The following ZDHHC14 variants were observed in gnomAD, a reference collection of about 807,000 sequenced individuals.
ZDHHC14 encodes zDHHC palmitoyltransferase 14, also known as palmitoyltransferase ZDHHC14.
ZDHHC14 carries 16 observed loss-of-function variants against 47.7 expected under a neutral mutation model. The observed-to-expected ratio is 0.34, with a 90% CI of 0.23 to 0.51. The LOEUF (loss-of-function observed/expected upper bound fraction) is 0.51. Ranked by LOEUF, ZDHHC14 falls within the 20% of genes least tolerant of loss-of-function variation. The pLI is 0.97. For missense variants in ZDHHC14, 515 were observed against 662.5 expected (o/e 0.78, Z 2.44); for synonymous variants, 293 against 278.9 (o/e 1.05, Z -0.50).
chr6:157,534,957 C>A (rs1432345266), intron 1 of ZDHHC14, among the ~76,000 whole-genome samples: 1 of 152,164 alleles, frequency 6.6e-6, no homozygotes, highest in African/African-American at 2.4e-5. Flanking sequence ...CTAGTAAGCT[C>A]TTGTACATTC....
intron 3 of ZDHHC14, among the ~76,000 whole-genome samples, chr6:157,601,879 C>T (rs1022893078): frequency 1.5e-4 from 23 of 152,220 alleles, no homozygotes; most frequent in African/African-American, 5.5e-4. Context: ...TAGGCAGCGT[C>T]TTCATTCTGG....
chr6:157,621,949 C>T (rs763081748), intron 3 of ZDHHC14, among the ~76,000 whole-genome samples: 5 of 152,166 alleles, frequency 3.3e-5, no homozygotes, highest in Admixed American at 6.5e-5. Context: ...AGTGTCCTAA[C>T]CTTTCTGACT....
At chr6:157,426,479 C>A (rs1778222344) in intron 1 of ZDHHC14, among the ~76,000 whole-genome samples, 1 of 152,126 alleles carries the variant, frequency 6.6e-6, no homozygotes. Flanking sequence ...GCAGTTTGGC[C>A]CCCACTTCAT....
At chr6:157,622,861 T>C (rs577223542) in intron 3 of ZDHHC14, among the ~76,000 whole-genome samples, 28 of 131,158 alleles carry the variant, frequency 2.1e-4, no homozygotes, top group African/African-American at 6.9e-4. Flanking sequence ...ATTGAAGACA[T>C]TTCTGCCTTT....
chr6:157,626,421 T>C (rs4709453), intron 3 of ZDHHC14, among the ~76,000 whole-genome samples: 79,670 of 152,120 alleles, frequency 0.52, 23,662 homozygotes, highest in East Asian at 0.86. Flanking sequence ...CTGTGCACGT[T>C]GACACATAGA....
At chr6:157,444,402 G>A (rs971777037) in intron 1 of ZDHHC14, among the ~76,000 whole-genome samples, 1 of 152,230 alleles carries the variant, frequency 6.6e-6, no homozygotes, top group East Asian at 1.9e-4. Context: ...ACTAGGCTGG[G>A]CATGGTGGCT....
At chr6:157,647,810 G>A (rs898807810) in intron 7 of ZDHHC14, among the ~76,000 whole-genome samples, 6 of 152,226 alleles carry the variant, frequency 3.9e-5, no homozygotes, top group African/African-American at 9.6e-5. Context: ...CACATGGGCC[G>A]CAGTCGTTGA....
intron 1 of ZDHHC14, among the ~76,000 whole-genome samples, chr6:157,460,343 G>A (rs1055195912): frequency 7.2e-6 from 1 of 138,058 alleles, no homozygotes; most frequent in Non-Finnish European, 1.5e-5. Context: ...AGACTGCAGT[G>A]AGCTATGATC....
At chr6:157,662,404 C>G (rs2115004207) in intron 8 of ZDHHC14, among the ~76,000 whole-genome samples, 1 of 152,302 alleles carries the variant, frequency 6.6e-6, no homozygotes, top group South Asian at 2.1e-4. Context: ...CTGGTCTTGA[C>G]CTCCTGACCT....
intron 8 of ZDHHC14, among the ~76,000 whole-genome samples, chr6:157,667,591 G>A (rs549154510): frequency 1.7e-4 from 25 of 150,094 alleles, no homozygotes; most frequent in African/African-American, 5.4e-4. Context: ...CAAGAAATGG[G>A]CAAATAAGAA....
chr6:157,528,356 G>C (rs1253404470), intron 1 of ZDHHC14, among the ~76,000 whole-genome samples: 1 of 152,166 alleles, frequency 6.6e-6, no homozygotes, highest in Non-Finnish European at 1.5e-5. Context: ...TGATATGAAA[G>C]TTTAACCATA....
chr6:157,442,370 G>A (rs1376602635), intron 1 of ZDHHC14, among the ~76,000 whole-genome samples: 2 of 151,928 alleles, frequency 1.3e-5, no homozygotes, highest in Non-Finnish European at 2.9e-5. Context: ...ACGATAGAGC[G>A]AGACTCTGTC....
chr6:157,611,189 A>C (rs1005825190), intron 3 of ZDHHC14, among the ~76,000 whole-genome samples: 9 of 152,128 alleles, frequency 5.9e-5, no homozygotes, highest in African/African-American at 2.2e-4. Flanking sequence ...TAGTAGAGAC[A>C]GGGTTTCACC....
chr6:157,491,797 A>G (rs1484387699), intron 1 of ZDHHC14, among the ~76,000 whole-genome samples: 2 of 152,194 alleles, frequency 1.3e-5, no homozygotes, highest in Non-Finnish European at 2.9e-5. Flanking sequence ...CTGGCAGGTA[A>G]AAGCTTTGGA....
chr6:157,656,059 A>T (rs1186480480), intron 8 of ZDHHC14, among the ~76,000 whole-genome samples: 1 of 152,212 alleles, frequency 6.6e-6, no homozygotes, highest in Non-Finnish European at 1.5e-5. Context: ...TTAACCATGG[A>T]AATGGGGAGG....
At chr6:157,483,038 G>A (rs140083241) in intron 1 of ZDHHC14, among the ~76,000 whole-genome samples, 5,318 of 152,222 alleles carry the variant, frequency 0.035, 148 homozygotes, top group Non-Finnish European at 0.055. Flanking sequence ...CACCAGGCCT[G>A]GCCTTCAAAA....
chr6:157,450,504 G>T (rs1031821962), intron 1 of ZDHHC14, among the ~76,000 whole-genome samples: 9 of 129,998 alleles, frequency 6.9e-5, no homozygotes, highest in African/African-American at 2.3e-4. Context: ...GTTAGAGCAT[G>T]AGACTCCGTC....
chr6:157,386,084 G>A (rs1049877258), intron 1 of ZDHHC14, among the ~76,000 whole-genome samples: 2 of 152,102 alleles, frequency 1.3e-5, no homozygotes, highest in Non-Finnish European at 2.9e-5. Flanking sequence ...TATTGTTAGA[G>A]TAAATCTTAG....
intron 1 of ZDHHC14, among the ~76,000 whole-genome samples, chr6:157,506,699 C>A (rs1780332002): frequency 1.3e-5 from 2 of 152,140 alleles, no homozygotes; most frequent in African/African-American, 2.4e-5. Context: ...CTTTAGTGAG[C>A]CTTCATATGC....
Sources: allele counts gnomAD v4.1 joint callset (sites outside exome capture counted in the v4.1 genomes callset), GRCh38; gene constraint gnomAD v4.1.1; transcripts MANE v1.5; gene names NCBI Gene and HGNC (gene_info 2026-07-23, HGNC 2026-07-21).